GALNT13: variants seen among roughly 807,000 people sequenced by gnomAD.
GALNT13 encodes the protein UDP-GalNAc:polypeptide N-acetylgalactosaminyltransferase 13.
A neutral mutation model predicts 64.2 loss-of-function variants in GALNT13; 28 were observed. That is an observed-to-expected ratio of 0.44 (90% CI 0.32 to 0.60). GALNT13 has a LOEUF of 0.60. Ranked by LOEUF, GALNT13 falls within the 20% of genes least tolerant of loss-of-function variation. The pLI is 0.05. For synonymous variants in GALNT13, 214 were observed against 224.6 expected, an observed-to-expected ratio of 0.95 and a Z score of 0.42; for missense variants, 577 against 669.8, an observed-to-expected ratio of 0.86 and a Z score of 1.53.
the GALNT13 span, among the ~76,000 whole-genome samples, chr2:153,483,712 G>A: frequency 2.7e-4 from 41 of 152,140 alleles, no homozygotes; most frequent in African/African-American, 8.7e-4. Flanking sequence ...CACCACGCCC[G>A]GCCCTGCCCT....
At chr2:153,507,672 T>A in the GALNT13 span, among the ~76,000 whole-genome samples, 30 of 152,192 alleles carry the variant, frequency 2.0e-4, no homozygotes, top group African/African-American at 7.0e-4. Context: ...TTTCTGGCAA[T>A]TCAGAGATTT....
intron 3 of GALNT13, among the ~76,000 whole-genome samples, chr2:154,051,745 G>T: frequency 6.6e-6 from 1 of 152,108 alleles, no homozygotes; most frequent in East Asian, 1.9e-4. Flanking sequence ...ATGACATTAT[G>T]ATCTATAGAT....
chr2:153,354,711 G>T, the GALNT13 span, among the ~76,000 whole-genome samples: 21 of 152,198 alleles, frequency 1.4e-4, no homozygotes, highest in African/African-American at 4.6e-4. Context: ...GCATTTTTTG[G>T]TCCAGTCCCA....
At chr2:153,259,431 T>C in the GALNT13 span, among the ~76,000 whole-genome samples, 6 of 152,266 alleles carry the variant, frequency 3.9e-5, no homozygotes, top group Admixed American at 1.3e-4. Context: ...TCATTCAATG[T>C]TATTATAAAT....
chr2:153,247,165 T>C, the GALNT13 span, among the ~76,000 whole-genome samples: 4 of 152,338 alleles, frequency 2.6e-5, no homozygotes, highest in Admixed American at 2.6e-4. Flanking sequence ...CAGAGAGACT[T>C]AGATTCTCAC....
At chr2:153,409,290 A>G in the GALNT13 span, among the ~76,000 whole-genome samples, 1 of 147,970 alleles carries the variant, frequency 6.8e-6, no homozygotes, top group Non-Finnish European at 1.5e-5. Flanking sequence ...ATATATATGA[A>G]TATGTATGTA....
chr2:153,428,887 A>G, the GALNT13 span, among the ~76,000 whole-genome samples: 9 of 152,162 alleles, frequency 5.9e-5, no homozygotes, highest in South Asian at 2.1e-4. Context: ...TATCCAGAGA[A>G]ATAGTATGCA....
At chr2:154,226,398 T>C (rs1419383225) in intron 4 of GALNT13, among the ~76,000 whole-genome samples, 1 of 152,110 alleles carries the variant, frequency 6.6e-6, no homozygotes, top group Non-Finnish European at 1.5e-5. Flanking sequence ...CTGAATGTAA[T>C]GATGTGTAAA....
intron 3 of GALNT13, among the ~76,000 whole-genome samples, chr2:154,025,096 C>A (rs985303308): frequency 6.6e-6 from 1 of 152,172 alleles, no homozygotes; most frequent in East Asian, 1.9e-4. Flanking sequence ...GTTGTCAGTC[C>A]GCCCCTACTG....
At chr2:153,187,112 C>T in the GALNT13 span, among the ~76,000 whole-genome samples, 1 of 152,158 alleles carries the variant, frequency 6.6e-6, no homozygotes, top group African/African-American at 2.4e-5. Flanking sequence ...AGAAAAACTG[C>T]TGACCTAGAT....
chr2:154,442,825 A>C (rs1288280499), intron 12 of GALNT13, among the ~76,000 whole-genome samples: 1 of 152,124 alleles, frequency 6.6e-6, no homozygotes, highest in African/African-American at 2.4e-5. Flanking sequence ...ACACTATGCA[A>C]CAAAGAAAAA....
the GALNT13 span, among the ~76,000 whole-genome samples, chr2:153,518,972 A>G: frequency 6.6e-6 from 1 of 152,298 alleles, no homozygotes; most frequent in East Asian, 1.9e-4. Flanking sequence ...GATCATTTCC[A>G]TCCTTGGAAC....
At chr2:153,345,635 T>TTTTCTTTCTTTCTTTCTTTTTTC in the GALNT13 span, among the ~76,000 whole-genome samples, 35 of 68,862 alleles carry the variant, frequency 5.1e-4, no homozygotes, top group African/African-American at 1.7e-3. Context: ...TTTCCTTTCT[T>TTTTCTTTCTTTCTTTCTTTTTTC]TTTCTTTCTT....
intron 3 of GALNT13, among the ~76,000 whole-genome samples, chr2:154,056,758 C>T (rs571606995): frequency 1.3e-5 from 2 of 152,028 alleles, no homozygotes; most frequent in South Asian, 4.2e-4. Flanking sequence ...TCATGGTGTT[C>T]CATGGGTGAT....
At chr2:153,106,756 AT>A in the GALNT13 span, among the ~76,000 whole-genome samples, 5 of 152,038 alleles carry the variant, frequency 3.3e-5, no homozygotes, top group African/African-American at 1.2e-4. Flanking sequence ...TGGAAGAAAT[AT>A]TTTTTTCCAC....
Position 154,452,606 on chromosome 2 carries a change from C to T in GALNT13, c.*2055C>T, listed in dbSNP as rs930786938. 6 of 152,092 alleles carry T rather than the reference C, an allele frequency of 3.9e-5. No individual in the cohort carries two copies. Among genetic ancestry groups the T allele is most frequent in the African/African-American group, 1.4e-4 (6 of 41,416 alleles). The allele number at this position is 152,092 out of a possible 1,614,324, so 9.4% of individuals were successfully genotyped here. A position where few individuals can be genotyped will look rare whatever the true frequency, so the allele number is the denominator to read the frequency against. ...TACCCCATCAAAGCTGAACTTGAAA[C>T]GTTTTAGCAGAATTTTAAATATGTG... On this transcript the variant is annotated 3_prime_UTR_variant, in exon 13 of 13. Transcript: ENST00000392825.
Position 153,904,712 on chromosome 2 carries a change from G to A in GALNT13, c.-105+3705G>A, listed in dbSNP as rs62174147. Among the ~76,000 whole-genome samples, 468 of 151,828 alleles carry A rather than the reference G, an allele frequency of 3.1e-3. 1 individual carries two copies. The highest frequency in any genetic ancestry group is 0.01 in the Middle Eastern group (3 of 294). ...GAGCCTCCCATCAGTTAAATATGCT[G>A]CAAAGTTCTCCTTTTCTATGATTTG... On this transcript the variant is annotated intron_variant, in intron 2 of 12. Coordinates refer to ENST00000392825, the MANE Select transcript of GALNT13 (RefSeq NM_052917.4).
the GALNT13 span, among the ~76,000 whole-genome samples, chr2:153,459,351 G>A: frequency 1.3e-5 from 2 of 152,018 alleles, no homozygotes; most frequent in Admixed American, 1.3e-4. Context: ...GCACAGTAGT[G>A]TGTGTCTGTA....
rs185627046 is a variant in GALNT13 at position 153,966,785 on chromosome 2, T to C, written c.142+22146T>C. Reference sequence around the variant, plus strand: ...TGTTGTTCTACCTGGTTATTCGTGTTTTTTCCAGGTTTAGGAAGGTTTATG... The same window carrying C: ...TGTTGTTCTACCTGGTTATTCGTGTCTTTTCCAGGTTTAGGAAGGTTTATG... On this transcript the variant is annotated intron_variant, in intron 3 of 12. Coordinates refer to ENST00000392825, the MANE Select transcript of GALNT13 (RefSeq NM_052917.4). Among the ~76,000 whole-genome samples, 357 of 152,266 alleles carry C rather than the reference T, an allele frequency of 2.3e-3. 3 individuals carry two copies. Among genetic ancestry groups the C allele is most frequent in the African/African-American group, 7.4e-3 (306 of 41,546 alleles).
Sources: allele counts gnomAD v4.1 joint callset (sites outside exome capture counted in the v4.1 genomes callset), GRCh38; gene constraint gnomAD v4.1.1; transcripts MANE v1.5; gene names NCBI Gene and HGNC (gene_info 2026-07-23, HGNC 2026-07-21).